Variants in FXYD4 observed in about 807,000 individuals in gnomAD.
The protein encoded by FXYD4 is FXYD domain-containing ion transport regulator 4.
Under a neutral mutation model 18.3 loss-of-function variants are expected in FXYD4, and 14 were observed. The observed-to-expected ratio is 0.77, with a 90% CI of 0.51 to 1.20. The LOEUF (loss-of-function observed/expected upper bound fraction) is 1.20, where lower values mean the gene tolerates loss of function less well. Among genes scored for constraint, FXYD4 ranks in the 50% most tolerant of loss-of-function variants. The probability of loss-of-function intolerance (pLI) is 0.00; values close to 1 mark genes in which losing one functional copy is unlikely to be tolerated. For missense variants in FXYD4, 99 were observed against 106.1 expected (o/e 0.93, Z 0.29); for synonymous variants, 40 against 40.5 (o/e 0.99, Z 0.04).
intron 1 of FXYD4, among the ~76,000 whole-genome samples, chr10:43,372,226 G>A (rs1435662109): frequency 1.3e-5 from 2 of 152,054 alleles, no homozygotes; most frequent in Non-Finnish European, 2.9e-5. Flanking sequence ...GTGCCTAACA[G>A]TCTCTCCCTC....
chr10:43,375,921 G>A, intron 7 of FXYD4, 111 bp from the exon 8 acceptor site: 3 of 1,289,098 alleles, frequency 2.3e-6, no homozygotes. Context: ...AGTGACCATG[G>A]AAGGAGAGCA....
chr10:43,374,788 G>C, intron 5 of FXYD4, 149 bp downstream of exon 5: 1 of 756,794 alleles, frequency 1.3e-6, no homozygotes, highest in East Asian at 2.5e-5. Flanking sequence ...GCTCCAACAA[G>C]GGGAGGGTGG....
intron 5 of FXYD4, 86 bp downstream of exon 5, chr10:43,374,725 C>A: frequency 9.6e-7 from 1 of 1,044,712 alleles, no homozygotes; most frequent in Non-Finnish European, 1.5e-6. Context: ...TAGTGTGGAC[C>A]TAGTGTAGAC....
At chr10:43,375,931 A>G in intron 7 of FXYD4, 101 bp from the exon 8 acceptor site, 1 of 1,343,720 alleles carries the variant, frequency 7.4e-7, no homozygotes. Flanking sequence ...GAAGGAGAGC[A>G]AGGACTTGCA....
rs1210202452 is a variant in FXYD4, at chr10:43,375,533, C to T, written c.132C>T (p.Cys44=). 2.2e-5 allele frequency: 36 copies of T among 1,613,900 alleles called. No individual in the cohort carries two copies. The highest frequency in any genetic ancestry group is 8.9e-5 in the East Asian group (4 of 44,888). ...WKNLQLSGLI[C]GGLLAIAGIA... is the part of the protein sequence containing the mutation. ...ACCTGCAGCTGAGCGGACTGATCTG[C>T]GGAGGGCTCCTGGCCATTGCTGGGA... Residue 44 remains cysteine, a synonymous_variant, in exon 6 of 9, where the codon TGC becomes TGT. Transcript: ENST00000476166.
intron 5 of FXYD4, 145 bp from the exon 6 acceptor site, chr10:43,375,354 C>T: frequency 1.5e-6 from 1 of 647,904 alleles, no homozygotes; most frequent in Admixed American, 2.6e-5. Flanking sequence ...AGTGTTTCCC[C>T]ACGAGACGCA....
Position 43,375,712 on chromosome 10 carries a change from A to T in FXYD4, c.190A>T (p.Lys64Ter), listed in dbSNP as rs1285612363. The T allele has an allele frequency of 6.2e-7, 1 of 1,614,172 alleles. No individual in the cohort carries two copies. The highest frequency in any genetic ancestry group is 8.5e-7 in the Non-Finnish European group (1 of 1,180,016). ...AAVLSGKCKC[K>*]SSQKQHSPVP... ...TCTCCCAGGTGGCAAATGCAAATGC[A>T]AGAGCAGCCAGAAGCAGCACAGGTG... Residue 64 changes from lysine (K) to a stop codon, truncating the protein, a stop_gained, in exon 7 of 9, where the codon AAG (lysine) becomes TAG (stop). Coordinates refer to ENST00000476166, the MANE Select transcript of FXYD4 (RefSeq NM_173160.3). LOFTEE classifies it high-confidence loss of function.
At chr10:43,375,967 T>C in intron 7 of FXYD4, 65 bp from the exon 8 acceptor site, 1 of 1,551,686 alleles carries the variant, frequency 6.4e-7, no homozygotes. Context: ...AGCAAGAGTC[T>C]GGGATATAGG....
At chr10:43,374,398 G>A in intron 3 of FXYD4, 72 bp from the exon 4 acceptor site, 1 of 1,466,778 alleles carries the variant, frequency 6.8e-7, no homozygotes, top group Non-Finnish European at 9.6e-7. Flanking sequence ...CCGGGCTGGG[G>A]TCCTGCTGTC....
chr10:43,375,898 C>T lies in FXYD4; in HGVS notation c.213-134C>T, dbSNP rs1037362914. ...GCCCCAGTCAGGAAAGCTCTGACCT[C>T]GGTATTGTGGGAAGTGACCATGGAA... On this transcript the variant is annotated intron_variant, in intron 7 of 8. Coordinates refer to ENST00000476166, the MANE Select transcript of FXYD4 (RefSeq NM_173160.3). 4.1e-6 allele frequency: 5 copies of T among 1,218,690 alleles called. No homozygotes were observed. The African/African-American group carries it at 4.5e-5, about 11-fold the overall frequency. The allele number at this position is 1,218,690 out of a possible 1,614,324, so 75.5% of individuals were successfully genotyped here.
At chr10:43,375,125 C>T (rs1361054604) in intron 5 of FXYD4, among the ~76,000 whole-genome samples, 1 of 146,634 alleles carries the variant, frequency 6.8e-6, no homozygotes, top group Non-Finnish European at 1.5e-5. Context: ...CTCCCGGGTT[C>T]AAGCAATTCT....
intron 2 of FXYD4, 34 bp from the exon 3 acceptor site, chr10:43,373,481 G>C: frequency 1.8e-6 from 1 of 550,462 alleles, no homozygotes. Flanking sequence ...TGAGCTCTTA[G>C]CTTGTGCTTA....
Position 43,376,136 on chromosome 10 carries a change from A to G in FXYD4, c.251-11A>G. 1 of 1,613,616 alleles carries G rather than the reference A, an allele frequency of 6.2e-7. No individual in the cohort carries two copies. Among genetic ancestry groups the G allele is most frequent in the Non-Finnish European group, 8.5e-7 (1 of 1,179,894 alleles). On this transcript the variant is annotated splice_polypyrimidine_tract_variant and intron_variant, in intron 8 of 8. Coordinates refer to ENST00000476166, the MANE Select transcript of FXYD4 (RefSeq NM_173160.3). ...GACTGTGTCTGATGGCCTGCCCGCC[A>G]CTCTCCGCAGGCTCTGCCACTACTT...
In FXYD4 at chr10:43,373,649, C is replaced by CTA; in HGVS notation, c.-98_-97insTA. On this transcript the variant is annotated 5_prime_UTR_variant, in exon 3 of 9. An upstream open reading frame in the 5' UTR loses its in-frame stop. Transcript: ENST00000476166. The stretch of plus-strand genomic sequence containing the variant: ...GCCTGCCCCCGCCCCTGCCTCCTCT[C>CTA]GCTGACCAATTGAGCTGTGAGCCTG... 1 of 787,254 alleles carries CTA rather than the reference C, an allele frequency of 1.3e-6. No homozygotes were observed. The highest frequency in any genetic ancestry group is 2.3e-6 in the Non-Finnish European group (1 of 432,812). 48.8% of individuals were successfully genotyped at this position (787,254 alleles called of 1,614,324 possible).
chr10:43,374,721 G>A, intron 5 of FXYD4, 82 bp downstream of exon 5: 1 of 1,102,158 alleles, frequency 9.1e-7, no homozygotes, highest in South Asian at 1.2e-5. Context: ...GGGGTAGTGT[G>A]GACCTAGTGT....
rs369508899 is a variant in FXYD4, at chr10:43,376,077, G to A, written c.250+8G>A. On this transcript the variant is annotated splice_region_variant and intron_variant, in intron 8 of 8. Coordinates refer to ENST00000476166, the MANE Select transcript of FXYD4 (RefSeq NM_173160.3). ...TCCCACTCATCACTCCAGGTGAGAC[G>A]GGCTTCTGTGGGCTGAGGGGGTGTC... 5.8e-5 allele frequency: 93 copies of A among 1,613,972 alleles called. No individual in the cohort carries two copies. The highest frequency in any genetic ancestry group is 2.5e-4 in the South Asian group (23 of 91,088).
Position 43,375,745 on chromosome 10 carries a change from C to G in FXYD4, c.212+11C>G. 1 of 1,613,650 alleles carries G rather than the reference C, an allele frequency of 6.2e-7. No individual in the cohort carries two copies. Among genetic ancestry groups the G allele is most frequent in the Non-Finnish European group, 8.5e-7 (1 of 1,179,532 alleles). The stretch of plus-strand genomic sequence containing the variant: ...CCAGAAGCAGCACAGGTGAGCCTGA[C>G]CCTATGGTGCCCTCCTCCTTCGGGG... On this transcript the variant is annotated intron_variant, in intron 7 of 8. Coordinates refer to ENST00000476166, the MANE Select transcript of FXYD4 (RefSeq NM_173160.3).
chr10:43,372,185 C>T (rs932271901), intron 1 of FXYD4, among the ~76,000 whole-genome samples: 4 of 152,150 alleles, frequency 2.6e-5, no homozygotes, highest in Non-Finnish European at 4.4e-5. Flanking sequence ...TTGGAGACTG[C>T]TCCTAGCCCA....
At chr10:43,376,108 A>G in intron 8 of FXYD4, 39 bp downstream of exon 8, 2 of 1,614,006 alleles carry the variant, frequency 1.2e-6, no homozygotes, top group Non-Finnish European at 1.7e-6. Flanking sequence ...GTGTCTGTGT[A>G]AGGACTGTGT....
Sources: allele counts gnomAD v4.1 joint callset (sites outside exome capture counted in the v4.1 genomes callset), GRCh38; gene constraint gnomAD v4.1.1; transcripts MANE v1.5; gene names NCBI Gene and HGNC (gene_info 2026-07-23, HGNC 2026-07-21).